The following PLD4 variants were observed in gnomAD, a reference collection of about 807,000 sequenced individuals.
The protein encoded by PLD4 is 5'-3' exonuclease PLD4.
A neutral mutation model predicts 52.3 loss-of-function variants in PLD4; 54 were observed. The observed-to-expected ratio is 1.03, with a 90% confidence interval of 0.83 to 1.30. The LOEUF is 1.30. Among genes scored for constraint, PLD4 ranks in the 50% most tolerant of loss-of-function variants. The pLI is 0.00. For missense variants in PLD4, 731 were observed against 671.1 expected, an observed-to-expected ratio of 1.09 and a Z score of -0.99; for synonymous variants, 264 against 286.5, an observed-to-expected ratio of 0.92 and a Z score of 0.79.
intron 3 of PLD4, among the ~76,000 whole-genome samples, chr14:104,928,325 G>A (rs1897525415): frequency 6.6e-6 from 1 of 152,072 alleles, no homozygotes; most frequent in Non-Finnish European, 1.5e-5. Flanking sequence ...TCCCTTCCAG[G>A]CCAGCTCTGG....
chr14:104,925,344 G>A (rs887272373), intron 1 of PLD4, among the ~76,000 whole-genome samples: 1 of 152,326 alleles, frequency 6.6e-6, no homozygotes, highest in Non-Finnish European at 1.5e-5. Context: ...CTCTGCAGGG[G>A]TCTCTCAGCT....
At chr14:104,936,081 C>T (rs10083490), downstream of PLD4, 85,091 of 152,088 alleles carry the variant, frequency 0.56, 24,191 homozygotes, top group Middle Eastern at 0.7. Flanking sequence ...CAAGGCCACG[C>T]GAGAACCCTG....
chr14:104,926,790 G>A (rs1353355812), intron 1 of PLD4, among the ~76,000 whole-genome samples: 1 of 152,262 alleles, frequency 6.6e-6, no homozygotes, highest in Non-Finnish European at 1.5e-5. Flanking sequence ...GACCCTGAAA[G>A]GGGAGACACA....
Position 104,927,703 on chromosome 14 carries a change from T to C in PLD4, c.121T>C (p.Trp41Arg). The C allele has an allele frequency of 1.9e-6, 3 of 1,598,974 alleles. No homozygotes were observed. Among genetic ancestry groups the C allele is most frequent in the Non-Finnish European group, 2.6e-6 (3 of 1,176,258 alleles). Residue 41 changes from tryptophan to arginine, a missense_variant, in exon 3 of 11, where the codon TGG becomes CGG. Physicochemically the swap from Trp to Arg is moderately radical, Grantham distance 101 (BLOSUM62 -3). Coordinates refer to ENST00000392593, the MANE Select transcript of PLD4 (RefSeq NM_138790.5). ...LQVLGALAVL[W>R]LGSVALICLL... ...GGTCCTGGGAGCGCTGGCTGTGCTG[T>C]GGCTGGGCTCCGTGGCTCTTATCTG... is the stretch of plus-strand genomic sequence containing the variant.
chr14:104,937,301 G>C (rs183172856), downstream of PLD4: 4 of 152,300 alleles, frequency 2.6e-5, no homozygotes, highest in African/African-American at 9.7e-5. Flanking sequence ...AGCCAAGCCA[G>C]CTCCATCTGC....
Position 104,932,216 on chromosome 14 carries a change from C to T in PLD4, c.1224+39C>T, listed in dbSNP as rs1385293517. 31 of 1,612,158 alleles carry T rather than the reference C, an allele frequency of 1.9e-5. No homozygotes were observed. The highest frequency in any genetic ancestry group is 2.5e-5 in the Non-Finnish European group (29 of 1,179,630). On this transcript the variant is annotated intron_variant, in intron 9 of 10. Transcript: ENST00000392593. This position sits in a 1 kb window ranked among gnomAD's most constrained non-coding sequence, Gnocchi z 6.5. The stretch of plus-strand genomic sequence containing the variant: ...CCCGGCCGGGCGTGGGAAAGGCGGC[C>T]CTCCTGCCGCCCTTCCTGACGCGCT...
At chr14:104,929,883 A>G in intron 5 of PLD4, 95 bp from the exon 6 acceptor site, 6 of 1,434,402 alleles carry the variant, frequency 4.2e-6, no homozygotes, top group Non-Finnish European at 5.8e-6. Flanking sequence ...AGGACATCTG[A>G]GTCAACCCCA....
At position 104,928,855 on chromosome 14, in the gene PLD4, G is replaced by A. The variant is rs561905036; in HGVS notation, c.391G>A (p.Glu131Lys). The A allele has an allele frequency of 1.2e-6, 2 of 1,612,516 alleles. No individual in the cohort carries two copies. Among genetic ancestry groups the A allele is most frequent in the Admixed American group, 1.7e-5 (1 of 60,020 alleles). ...GCTGCAGCTGCTGGACACTGCCCAG[G>A]AGAGCGTCCACGTGGCTTCATACTA... ...AWLQLLDTAQ[E>K]SVHVASYYWS... Residue 131 changes from glutamate to lysine, a missense_variant, in exon 4 of 11, where the codon GAG (glutamate) becomes AAG (lysine). Physicochemically the swap from Glu to Lys is moderately conservative, Grantham distance 56. Coordinates refer to ENST00000392593, the MANE Select transcript of PLD4 (RefSeq NM_138790.5).
At position 104,930,858 on chromosome 14, in the gene PLD4, G is replaced by A; in HGVS notation, c.834G>A (p.Trp278Ter). Reference sequence around the variant, plus strand: ...CCAAGGCTGTCCTCCCCAAAACCTGGCCTCAGAACTTCTCATCTCACTTCA... The same window carrying A: ...CCAAGGCTGTCCTCCCCAAAACCTGACCTCAGAACTTCTCATCTCACTTCA... Reference protein sequence around the residue: ...GVPKAVLPKTWPQNFSSHFNR... With the variant: ...GVPKAVLPKT Residue 278 changes from tryptophan (W) to a stop codon, truncating the protein, a stop_gained, in exon 7 of 11, where the codon TGG (tryptophan) becomes TGA (stop). Coordinates refer to ENST00000392593, the MANE Select transcript of PLD4 (RefSeq NM_138790.5). LOFTEE classifies it high-confidence loss of function. 6.2e-7 allele frequency: 1 copy of A among 1,613,560 alleles called. No individual in the cohort carries two copies. Among genetic ancestry groups the A allele is most frequent in the Non-Finnish European group, 8.5e-7 (1 of 1,180,020 alleles).
At position 104,931,968 on chromosome 14, in the gene PLD4, C is replaced by G. The variant is rs771887856; in HGVS notation, c.1059-44C>G. 7.2e-6 allele frequency: 11 copies of G among 1,532,700 alleles called. No individual in the cohort carries two copies. In the South Asian group the frequency reaches 1.1e-4, roughly 16 times the overall value. The allele number at this position is 1,532,700 out of a possible 1,614,324, so 94.9% of individuals were successfully genotyped here. On this transcript the variant is annotated intron_variant, in intron 8 of 10. Transcript: ENST00000392593. ...CGTCCCCTCCTGCTGGGACCCCTAT[C>G]GGGCCCGGCTTGTAAGCAGAGCCCC...
Position 104,932,162 on chromosome 14 carries a change from C to A in PLD4, c.1209C>A (p.Asn403Lys). ...AGGCGCTCAGCAACCCCGCGGCCAA[C>A]GTCTCTGTGGACGTGGTGAGGGCGT... ...SLQALSNPAANVSVDVKVFIV... is the reference protein window; with the variant it reads ...SLQALSNPAAKVSVDVKVFIV... The change falls in exon 9 of 11, where the codon AAC becomes AAA. Residue 403 changes from asparagine (N) to lysine (K), a missense_variant. Asn to Lys is a moderately conservative substitution (Grantham distance 94). Transcript: ENST00000392593. This position sits in a 1 kb window ranked among gnomAD's most constrained non-coding sequence, Gnocchi z 6.5. The A allele has an allele frequency of 6.2e-7, 1 of 1,611,062 alleles. No individual in the cohort carries two copies. The highest frequency in any genetic ancestry group is 1.1e-5 in the South Asian group (1 of 90,940).
At chr14:104,930,609 G>A (rs1374534762) in intron 6 of PLD4, 133 bp from the exon 7 acceptor site, 2 of 899,568 alleles carry the variant, frequency 2.2e-6, no homozygotes, top group African/African-American at 1.7e-5. Context: ...ATTCCTACAG[G>A]CAATGCTTCC....
rs1897700074 is a variant in PLD4, at chr14:104,932,795, G to A, written c.1352G>A (p.Ser451Asn). Residue 451 changes from serine (S) to asparagine (N), a missense_variant, in exon 11 of 11, where the codon AGC (serine) becomes AAC (asparagine). Coordinates refer to ENST00000392593, the MANE Select transcript of PLD4 (RefSeq NM_138790.5). The surrounding 1 kb of genome is among the most constrained non-coding windows in gnomAD (Gnocchi z 6.5). ...TCCAACTGGTCGGAGGATTACTTCA[G>A]CAGCACGGCGGGGGTGGGCTTGGTG... Reference protein sequence around the residue: ...GTSNWSEDYFSSTAGVGLVVT... With the variant: ...GTSNWSEDYFNSTAGVGLVVT... 1 of 1,596,970 alleles carries A rather than the reference G, an allele frequency of 6.3e-7. No individual in the cohort carries two copies. The highest frequency in any genetic ancestry group is 8.5e-7 in the Non-Finnish European group (1 of 1,170,644).
At chr14:104,931,033 A>T (rs1365410030) in intron 7 of PLD4, 91 bp downstream of exon 7, 7 of 1,432,958 alleles carry the variant, frequency 4.9e-6, no homozygotes, top group Non-Finnish European at 6.8e-6. Flanking sequence ...GGCCCTGCAG[A>T]CACCAGCAGC....
rs185891504 is a variant in PLD4 at position 104,931,620 on chromosome 14, C to T, written c.919-128C>T. On this transcript the variant is annotated intron_variant, in intron 7 of 10. Transcript: ENST00000392593. ...CTGTTGAGCCGACCCCTTCTTTCCT[C>T]ATATTTCCAGGCACCTGGGCCCCCT... 467 of 1,304,354 alleles carry T rather than the reference C, an allele frequency of 3.6e-4. 2 individuals carry two copies. The African/African-American group carries it at 6.2e-3, about 17-fold the overall frequency. 80.8% of individuals were successfully genotyped at this position (1,304,354 alleles called of 1,614,324 possible).
intron 3 of PLD4, 134 bp downstream of exon 3, chr14:104,928,000 G>A (rs1255929597): frequency 1.9e-6 from 2 of 1,036,198 alleles, no homozygotes; most frequent in Non-Finnish European, 2.7e-6. Flanking sequence ...GGTCACCAGG[G>A]AGGGCCACGA....
At position 104,928,838 on chromosome 14, in the gene PLD4, T is replaced by C; in HGVS notation, c.374T>C (p.Leu125Pro). ...AQPLGQAWLQ[L>P]LDTAQESVHV... ...CCTCTGGGCCAGGCCTGGCTGCAGC[T>C]GCTGGACACTGCCCAGGAGAGCGTC... Residue 125 changes from leucine (L) to proline (P), a missense_variant, in exon 4 of 11, where the codon CTG becomes CCG. Physicochemically the swap from Leu to Pro is moderately conservative, Grantham distance 98 (BLOSUM62 -3). Transcript: ENST00000392593. The C allele has an allele frequency of 6.2e-7, 1 of 1,612,368 alleles. No homozygotes were observed. Among genetic ancestry groups the C allele is most frequent in the Non-Finnish European group, 8.5e-7 (1 of 1,179,488 alleles).
chr14:104,929,268 A>G (rs774546381), intron 4 of PLD4, 39 bp from the exon 5 acceptor site: 12 of 1,579,186 alleles, frequency 7.6e-6, no homozygotes, highest in Non-Finnish European at 8.6e-6. Flanking sequence ...AGGAGAGGGC[A>G]GCCTGAGGTC....
chr14:104,931,647 C>T (rs1269556172), intron 7 of PLD4, 101 bp from the exon 8 acceptor site: 2 of 1,428,254 alleles, frequency 1.4e-6, no homozygotes, highest in Non-Finnish European at 1.8e-6. Flanking sequence ...GGGCCCCCTC[C>T]CTCCACACCA....
Sources: allele counts gnomAD v4.1 joint callset (sites outside exome capture counted in the v4.1 genomes callset), GRCh38; gene constraint gnomAD v4.1.1; non-coding constraint Gnocchi (gnomAD v3.1); transcripts MANE v1.5; gene names NCBI Gene and HGNC (gene_info 2026-07-23, HGNC 2026-07-21).